The following CCT6B variants were observed in gnomAD, a reference collection of about 807,000 sequenced individuals.
CCT6B encodes the protein chaperonin containing TCP1 subunit 6B.
CCT6B carries 49 observed loss-of-function variants against 61.5 expected under a neutral mutation model. The observed-to-expected ratio is 0.80, with a 90% confidence interval of 0.63 to 1.01. The LOEUF is 1.01. CCT6B is among the 50% of genes least tolerant of loss of function. The pLI is 0.00. For missense variants in CCT6B, 666 were observed against 634.7 expected (o/e 1.05, Z -0.53); for synonymous variants, 228 against 214.5 (o/e 1.06, Z -0.55).
intron 12 of CCT6B, 55 bp downstream of exon 12, chr17:34,930,894 G>A: frequency 1.2e-6 from 1 of 853,800 alleles, no homozygotes; most frequent in Non-Finnish European, 1.9e-6. Flanking sequence ...ATAAGATCTG[G>A]GTAACTAAAG....
intron 5 of CCT6B, among the ~76,000 whole-genome samples, chr17:34,950,051 G>A (rs969622160): frequency 1.3e-5 from 2 of 152,156 alleles, no homozygotes; most frequent in Non-Finnish European, 1.5e-5. Flanking sequence ...AAATCTCATA[G>A]AGCATATTCT....
At chr17:34,929,970 T>C (rs537125713) in intron 12 of CCT6B, among the ~76,000 whole-genome samples, 1 of 152,350 alleles carries the variant, frequency 6.6e-6, no homozygotes, top group African/African-American at 2.4e-5. Context: ...CCAGCCAGTA[T>C]TCTCCACCAC....
intron 10 of CCT6B, among the ~76,000 whole-genome samples, chr17:34,934,232 T>C (rs1260696098): frequency 6.6e-6 from 1 of 150,762 alleles, no homozygotes; most frequent in African/African-American, 2.4e-5. Flanking sequence ...ATTAGTCAAA[T>C]GACAAATGTC....
rs759438923 is a variant in CCT6B at position 34,961,269 on chromosome 17, C to G, written c.125G>C (p.Gly42Ala). ...DVLRTNLGPK[G>A]TMKMLVSGAG... ...ACCGCTGTCTCACATTTTCATGGTG[C>G]CTTTAGGACCCAAGTTGGTCCGCAG... The change falls in exon 1 of 14, where the codon GGC becomes GCC. Residue 42 changes from glycine (G) to alanine (A), a missense_variant. Gly to Ala is a moderately conservative substitution (Grantham distance 60). Transcript: ENST00000314144. The G allele has an allele frequency of 6.2e-6, 10 of 1,605,470 alleles. No individual in the cohort carries two copies. The highest frequency in any genetic ancestry group is 8.5e-6 in the Non-Finnish European group (10 of 1,176,140).
At chr17:34,958,478 A>G (rs762011205) in intron 3 of CCT6B, 82 bp downstream of exon 3, 33 of 744,638 alleles carry the variant, frequency 4.4e-5, no homozygotes, top group Non-Finnish European at 5.7e-5. Flanking sequence ...AACAAAATTA[A>G]CTGTCTAAAA....
chr17:34,944,702 G>T (rs1010378130), intron 5 of CCT6B, among the ~76,000 whole-genome samples: 2 of 152,214 alleles, frequency 1.3e-5, no homozygotes, highest in Non-Finnish European at 2.9e-5. Flanking sequence ...CGAGGCAGGC[G>T]GATCATGAGG....
In CCT6B at chr17:34,929,003, A is replaced by G. The variant is rs755587835; in HGVS notation, c.1482T>C (p.Val494=). The G allele has an allele frequency of 1.2e-6, 2 of 1,609,854 alleles. No individual in the cohort carries two copies. Among genetic ancestry groups the G allele is most frequent in the South Asian group, 2.2e-5 (2 of 90,346 alleles). Residue 494 remains valine, a synonymous_variant, in exon 13 of 14, where the codon GTT becomes GTC. Coordinates refer to ENST00000314144, the MANE Select transcript of CCT6B (RefSeq NM_006584.4). ...GEPMVAADAG[V]WDNYCVKKQL... is the part of the protein sequence containing the mutation. ...GTTTTTTTACACAATAATTATCCCAAACTCCTGCATCTGCTGCTACCATTG... is the reference window on the plus strand; with the variant it reads ...GTTTTTTTACACAATAATTATCCCAGACTCCTGCATCTGCTGCTACCATTG...
chr17:34,941,130 CAGTA>C (rs1203381169), intron 7 of CCT6B, among the ~76,000 whole-genome samples: 6 of 152,286 alleles, frequency 3.9e-5, no homozygotes, highest in Admixed American at 3.9e-4. Flanking sequence ...TACCAAAACT[CAGTA>C]AGTAATAGTT....
chr17:34,932,133 C>T (rs1281146074), intron 11 of CCT6B, among the ~76,000 whole-genome samples: 2 of 152,130 alleles, frequency 1.3e-5, no homozygotes, highest in Admixed American at 6.5e-5. Context: ...ATTTTTGGAA[C>T]TCAGAGAAAG....
intron 10 of CCT6B, among the ~76,000 whole-genome samples, chr17:34,934,373 G>A (rs1462593193): frequency 2.6e-5 from 4 of 152,000 alleles, no homozygotes; most frequent in Non-Finnish European, 5.9e-5. Context: ...TCTGCAAAAG[G>A]CCAGTTAATA....
chr17:34,934,689 C>T (rs1222099695), intron 10 of CCT6B, among the ~76,000 whole-genome samples: 1 of 152,106 alleles, frequency 6.6e-6, no homozygotes, highest in African/African-American at 2.4e-5. Flanking sequence ...AAAGAAAACT[C>T]CAGGCTCAGA....
In CCT6B at chr17:34,928,108, A is replaced by G; in HGVS notation, c.1533T>C (p.Ile511=). 6.2e-7 allele frequency: 1 copy of G among 1,611,566 alleles called. No homozygotes were observed. The highest frequency in any genetic ancestry group is 1.1e-5 in the South Asian group (1 of 90,750). The part of the protein sequence containing the change: ...KKQLLHSCTV[I]ATNILLVDEI... Reference sequence around the variant, plus strand: ...CATCAACCAGGAGAATGTTGGTGGCAATCACTGTGCTAAGGAAAAAGATGA... The same window carrying G: ...CATCAACCAGGAGAATGTTGGTGGCGATCACTGTGCTAAGGAAAAAGATGA... The change falls in exon 14 of 14, where the codon ATT becomes ATC. Residue 511 remains isoleucine, a synonymous_variant. Coordinates refer to ENST00000314144, the MANE Select transcript of CCT6B (RefSeq NM_006584.4).
chr17:34,948,740 A>T (rs2090254620), intron 5 of CCT6B, among the ~76,000 whole-genome samples: 1 of 150,708 alleles, frequency 6.6e-6, no homozygotes, highest in African/African-American at 2.4e-5. Context: ...ACAAAACAAA[A>T]CTGGATGGAC....
At chr17:34,945,736 T>C (rs1202747034) in intron 5 of CCT6B, among the ~76,000 whole-genome samples, 1 of 152,160 alleles carries the variant, frequency 6.6e-6, no homozygotes, top group Non-Finnish European at 1.5e-5. Context: ...TCAGCAATAG[T>C]AGGCTAACTG....
intron 13 of CCT6B, among the ~76,000 whole-genome samples, chr17:34,928,419 C>T (rs2089993912): frequency 6.6e-6 from 1 of 151,988 alleles, no homozygotes; most frequent in Non-Finnish European, 1.5e-5. Context: ...ATAACAGGCA[C>T]CCACCAACAC....
chr17:34,959,131 T>TA (rs1206255951), intron 2 of CCT6B, among the ~76,000 whole-genome samples: 2 of 145,858 alleles, frequency 1.4e-5, no homozygotes, highest in Admixed American at 6.8e-5. Context: ...AACTTTTTTT[T>TA]TTTTTTTTTT....
intron 8 of CCT6B, among the ~76,000 whole-genome samples, 190 bp from the exon 9 acceptor site, chr17:34,939,903 G>A (rs917327830): frequency 6.6e-6 from 1 of 152,112 alleles, no homozygotes; most frequent in African/African-American, 2.4e-5. Flanking sequence ...TGTATACACT[G>A]TGGAATGGCT....
Position 34,927,940 on chromosome 17 carries a change from C to G in CCT6B, c.*108G>C. On this transcript the variant is annotated 3_prime_UTR_variant, in exon 14 of 14. Coordinates refer to ENST00000314144, the MANE Select transcript of CCT6B (RefSeq NM_006584.4). Reference sequence around the variant, plus strand: ...ACTATTAAGACCCAAAAGACATAAACTGCATTTATTGTGTAGAAATTCAGA... The same window carrying G: ...ACTATTAAGACCCAAAAGACATAAAGTGCATTTATTGTGTAGAAATTCAGA... The G allele has an allele frequency of 1.5e-6, 1 of 663,048 alleles. No homozygotes were observed. The highest frequency in any genetic ancestry group is 2.5e-6 in the Non-Finnish European group (1 of 397,048). 41.1% of individuals were successfully genotyped at this position (663,048 alleles called of 1,614,324 possible).
At position 34,954,541 on chromosome 17, in the gene CCT6B, T is replaced by G. The variant is rs781371400; in HGVS notation, c.395A>C (p.Glu132Ala). 2.4e-5 allele frequency: 38 copies of G among 1,613,730 alleles called. No homozygotes were observed. In the Admixed American group the frequency reaches 6.3e-4, roughly 27 times the overall value. ...TGTCACTTTAACTTCCTCCAAAACTTCAAGTGCTTTTATCTTTGCAGCTTC... is the reference window on the plus strand; with the variant it reads ...TGTCACTTTAACTTCCTCCAAAACTGCAAGTGCTTTTATCTTTGCAGCTTC... ...GFEAAKIKAL[E>A]VLEEVKVTKE... The change falls in exon 4 of 14, where the codon GAA becomes GCA. Residue 132 changes from glutamate (E) to alanine (A), a missense_variant. By Grantham distance (107) the Glu-to-Ala change is moderately radical. Coordinates refer to ENST00000314144, the MANE Select transcript of CCT6B (RefSeq NM_006584.4).
Sources: allele counts gnomAD v4.1 joint callset (sites outside exome capture counted in the v4.1 genomes callset), GRCh38; gene constraint gnomAD v4.1.1; transcripts MANE v1.5; gene names NCBI Gene and HGNC (gene_info 2026-07-23, HGNC 2026-07-21).